The following SV2B variants were observed in gnomAD, a reference collection of about 807,000 sequenced individuals.
SV2B encodes the protein solute carrier family 22 member B2.
A neutral mutation model predicts 73.9 loss-of-function variants in SV2B; 41 were observed. The ratio of observed to expected loss-of-function variants is 0.56; its 90% confidence interval spans 0.43 to 0.72. The LOEUF is 0.72. Among genes scored for constraint, SV2B ranks in the 30% least tolerant of loss-of-function variants. SV2B has a pLI of 0.00. For missense variants in SV2B, 764 were observed against 857.8 expected (o/e 0.89, Z 1.37); for synonymous variants, 314 against 314.2 (o/e 1.00, Z 0.01).
chr15:91,194,227 G>A (rs1407672505), intron 1 of SV2B, among the ~76,000 whole-genome samples: 1 of 151,984 alleles, frequency 6.6e-6, no homozygotes, highest in Non-Finnish European at 1.5e-5. Flanking sequence ...TCAGTGACTT[G>A]AGGGGTGATG....
intron 9 of SV2B, among the ~76,000 whole-genome samples, chr15:91,276,799 G>GTTATTA (rs1290710147): frequency 0.023 from 1,779 of 77,306 alleles, 47 homozygotes; most frequent in African/African-American, 0.11. Context: ...TTATATTATT[G>GTTATTA]TTGTTGTTAT....
At chr15:91,277,527 T>C (rs1162045902) in intron 9 of SV2B, among the ~76,000 whole-genome samples, 1 of 144,988 alleles carries the variant, frequency 6.9e-6, no homozygotes, top group African/African-American at 2.4e-5. Context: ...GCCAATGATC[T>C]TCTTTATGTT....
Position 91,292,636 on chromosome 15 carries a change from G to A in SV2B, c.*84G>A, listed in dbSNP as rs1280317753. On this transcript the variant is annotated 3_prime_UTR_variant, in exon 13 of 13. Coordinates refer to ENST00000394232, the MANE Select transcript of SV2B (RefSeq NM_001323032.3). ...CACACTTCCTGCCTATCACGGTCCGGAGGACACCTTGGATAGCACGGGAGG... is the reference window on the plus strand; with the variant it reads ...CACACTTCCTGCCTATCACGGTCCGAAGGACACCTTGGATAGCACGGGAGG... 6.7e-7 allele frequency: 1 copy of A among 1,495,532 alleles called. No homozygotes were observed. Among genetic ancestry groups the A allele is most frequent in the African/African-American group, 1.4e-5 (1 of 71,072 alleles). 92.6% of individuals were successfully genotyped at this position (1,495,532 alleles called of 1,614,324 possible). A position where few individuals can be genotyped will look rare whatever the true frequency, so the allele number is the denominator to read the frequency against.
intron 1 of SV2B, among the ~76,000 whole-genome samples, chr15:91,217,074 G>A (rs192344322): frequency 7.5e-4 from 112 of 150,080 alleles, no homozygotes; most frequent in African/African-American, 2.6e-3. Context: ...ATGGGGTTTC[G>A]CCATGTTGGC....
intron 1 of SV2B, among the ~76,000 whole-genome samples, chr15:91,155,438 T>C (rs2214074): frequency 0.078 from 11,832 of 152,250 alleles, 512 homozygotes; most frequent in Non-Finnish European, 0.091. Context: ...AATGGCAGAT[T>C]AAATAATTTT....
chr15:91,268,634 CA>C lies in SV2B; in HGVS notation c.1373+30del. 9 of 1,598,888 alleles carry C rather than the reference CA, an allele frequency of 5.6e-6. No homozygotes were observed. Among genetic ancestry groups the C allele is most frequent in the Non-Finnish European group, 7.7e-6 (9 of 1,168,192 alleles). On this transcript the variant is annotated intron_variant, in intron 9 of 12. Transcript: ENST00000394232. This position sits in a 1 kb window ranked among gnomAD's most constrained non-coding sequence, Gnocchi z 4.4. ...AGTGAGTGATCACGGGCTTCCCTCA[CA>C]TCAGGGTGACAGTCGTGGGGACTGT...
At chr15:91,291,785 G>T (rs1045291767) in intron 12 of SV2B, among the ~76,000 whole-genome samples, 3 of 152,168 alleles carry the variant, frequency 2.0e-5, no homozygotes, top group African/African-American at 7.2e-5. Context: ...AAGAATGAAG[G>T]GGAACAGAGC....
chr15:91,151,824 A>T (rs1212667492), intron 1 of SV2B, among the ~76,000 whole-genome samples: 1 of 152,156 alleles, frequency 6.6e-6, no homozygotes, highest in Non-Finnish European at 1.5e-5. Flanking sequence ...CAAGAGTGAG[A>T]TGGTTCATTC....
intron 9 of SV2B, among the ~76,000 whole-genome samples, chr15:91,276,802 G>GTTATTATTATTATTA (rs1464096663): frequency 3.7e-4 from 21 of 56,770 alleles, no homozygotes; most frequent in African/African-American, 1.4e-3. Flanking sequence ...TATTATTGTT[G>GTTATTATTATTATTA]TTGTTATTAT....
chr15:91,153,096 C>G (rs11637978), intron 1 of SV2B, among the ~76,000 whole-genome samples: 64,226 of 151,908 alleles, frequency 0.42, 14,478 homozygotes, highest in African/African-American at 0.54. Flanking sequence ...GATGAATGCT[C>G]TGTCCTTATA....
chr15:91,174,136 G>C (rs1233074518), intron 1 of SV2B, among the ~76,000 whole-genome samples: 1 of 152,210 alleles, frequency 6.6e-6, no homozygotes, highest in African/African-American at 2.4e-5. Context: ...ACATTGCAGA[G>C]ATACAGCCTT....
intron 9 of SV2B, among the ~76,000 whole-genome samples, chr15:91,272,315 G>A (rs1267258740): frequency 6.6e-6 from 1 of 152,160 alleles, no homozygotes; most frequent in South Asian, 2.1e-4. Flanking sequence ...CCCAGAATAT[G>A]TATTAACTAA....
At chr15:91,172,913 G>A (rs537336276) in intron 1 of SV2B, among the ~76,000 whole-genome samples, 1 of 151,440 alleles carries the variant, frequency 6.6e-6, no homozygotes, top group East Asian at 1.9e-4. Context: ...ATGAGTAAGA[G>A]CCTGGCTTTC....
intron 4 of SV2B, among the ~76,000 whole-genome samples, chr15:91,256,203 C>T (rs1051624409): frequency 1.2e-4 from 19 of 152,180 alleles, no homozygotes; most frequent in African/African-American, 4.3e-4. Context: ...AGAAGATCAG[C>T]AAACAGAACA....
rs1373025771 is a variant in SV2B, at chr15:91,245,483, T to A, written c.452-6336T>A. Among the ~76,000 whole-genome samples, 2 of 152,236 alleles carry A rather than the reference T, an allele frequency of 1.3e-5. No homozygotes were observed. The highest frequency in any genetic ancestry group is 2.9e-5 in the Non-Finnish European group (2 of 68,036). ...CAACAGCTGTCTCTGAGTGGTGGTA[T>A]GATGAATAGATTATTGCTTTACCTT... On this transcript the variant is annotated intron_variant, in intron 2 of 12. Transcript: ENST00000394232. This position sits in a 1 kb window ranked among gnomAD's most constrained non-coding sequence, Gnocchi z 4.2.
At chr15:91,172,582 C>G (rs1006870555) in intron 1 of SV2B, among the ~76,000 whole-genome samples, 2 of 152,202 alleles carry the variant, frequency 1.3e-5, no homozygotes, top group Non-Finnish European at 2.9e-5. Flanking sequence ...GTGAGGCCCC[C>G]ACAGCCTCTC....
Position 91,252,030 on chromosome 15 carries a change from TC to T in SV2B, c.632+34del. ...TTCTTAGGGAGGTGGAGCTGGACCA[TC>T]CCAGACCAATGGCCCATCCATTCTG... is the stretch of plus-strand genomic sequence containing the variant. On this transcript the variant is annotated intron_variant, in intron 3 of 12. Coordinates refer to ENST00000394232, the MANE Select transcript of SV2B (RefSeq NM_001323032.3). The surrounding 1 kb of genome is among the most constrained non-coding windows in gnomAD (Gnocchi z 4.6). 1.2e-6 allele frequency: 2 copies of T among 1,608,328 alleles called. No individual in the cohort carries two copies. Among genetic ancestry groups the T allele is most frequent in the Non-Finnish European group, 1.7e-6 (2 of 1,176,428 alleles).
rs967736081 is a variant in SV2B, at chr15:91,130,511, G to C, written c.-392+30148G>C. On this transcript the variant is annotated intron_variant, in intron 1 of 12. Transcript: ENST00000394232. The surrounding 1 kb of genome is among the most constrained non-coding windows in gnomAD (Gnocchi z 5.6). ...AGGGTAAGGAACAGGGAATGAGAGA[G>C]AGAGAGAGAAGCAGCTGCATTTGGG... Among the ~76,000 whole-genome samples, 5 of 152,148 alleles carry C rather than the reference G, an allele frequency of 3.3e-5. No individual in the cohort carries two copies. Among genetic ancestry groups the C allele is most frequent in the Admixed American group, 1.3e-4 (2 of 15,280 alleles).
chr15:91,276,802 G>GCCTGATAGTTCCAGTATTTATATTA (rs2048504265), intron 9 of SV2B, among the ~76,000 whole-genome samples: 1 of 56,770 alleles, frequency 1.8e-5, no homozygotes, highest in African/African-American at 6.6e-5. Context: ...TATTATTGTT[G>GCCTGATAGTTCCAGTATTTATATTA]TTGTTATTAT....
Sources: allele counts gnomAD v4.1 joint callset (sites outside exome capture counted in the v4.1 genomes callset), GRCh38; gene constraint gnomAD v4.1.1; non-coding constraint Gnocchi (gnomAD v3.1); transcripts MANE v1.5; gene names NCBI Gene and HGNC (gene_info 2026-07-23, HGNC 2026-07-21).